The following SCFD2 variants were observed in gnomAD, a reference collection of about 807,000 sequenced individuals.
The protein encoded by SCFD2 is sec1 family domain-containing protein 2.
A neutral mutation model predicts 58.9 loss-of-function variants in SCFD2; 54 were observed. The observed-to-expected ratio is 0.92, with a 90% CI of 0.74 to 1.15. The LOEUF (loss-of-function observed/expected upper bound fraction) is 1.15, where lower values mean the gene tolerates loss of function less well. SCFD2 is among the 50% of genes most tolerant of loss of function. The pLI is 0.00. For missense variants in SCFD2, 805 were observed against 836.6 expected (o/e 0.96, Z 0.47); for synonymous variants, 321 against 335.9 (o/e 0.96, Z 0.49).
At chr4:53,054,486 T>C (rs529503475) in intron 5 of SCFD2, among the ~76,000 whole-genome samples, 2 of 151,970 alleles carry the variant, frequency 1.3e-5, no homozygotes, top group Non-Finnish European at 2.9e-5. Context: ...GAAGTTTGAA[T>C]TGAAAAATAT....
chr4:53,359,378 T>C (rs575698875), intron 1 of SCFD2, among the ~76,000 whole-genome samples: 1 of 152,308 alleles, frequency 6.6e-6, no homozygotes, highest in East Asian at 1.9e-4. Context: ...TTCCTTTTGG[T>C]CTCTATATTA....
chr4:53,231,963 TG>T (rs1180616749), intron 4 of SCFD2, among the ~76,000 whole-genome samples: 5 of 152,120 alleles, frequency 3.3e-5, no homozygotes, highest in Non-Finnish European at 5.9e-5. Context: ...TACTTTATAA[TG>T]TTTTTTCTAT....
intron 4 of SCFD2, among the ~76,000 whole-genome samples, chr4:53,206,906 A>G (rs2148974283): frequency 6.6e-6 from 1 of 152,242 alleles, no homozygotes; most frequent in Admixed American, 6.5e-5. Context: ...CTATAAGAGA[A>G]TACAAAGACT....
At chr4:53,076,649 C>G (rs1164674532) in intron 5 of SCFD2, among the ~76,000 whole-genome samples, 2 of 152,040 alleles carry the variant, frequency 1.3e-5, no homozygotes, top group Admixed American at 1.3e-4. Flanking sequence ...ATTTTAAAAG[C>G]TGTGAGGAAA....
intron 5 of SCFD2, among the ~76,000 whole-genome samples, chr4:53,140,439 G>A (rs4241973): frequency 0.48 from 61,389 of 128,790 alleles, 14,514 homozygotes; most frequent in South Asian, 0.52. Flanking sequence ...GGCAATCACC[G>A]TCAAGAGATA....
At chr4:52,907,257 C>A (rs1235468343) in intron 7 of SCFD2, among the ~76,000 whole-genome samples, 200 bp downstream of exon 7, 1 of 152,174 alleles carries the variant, frequency 6.6e-6, no homozygotes, top group African/African-American at 2.4e-5. Context: ...CCACAGTGCT[C>A]AGGTCAGAAG....
intron 5 of SCFD2, among the ~76,000 whole-genome samples, chr4:53,005,747 C>T (rs921305837): frequency 2.0e-5 from 3 of 152,116 alleles, no homozygotes; most frequent in African/African-American, 7.2e-5. Flanking sequence ...GGATTATATG[C>T]TCTTATCCTG....
chr4:53,209,147 T>C (rs1300229062), intron 4 of SCFD2, among the ~76,000 whole-genome samples: 2 of 152,130 alleles, frequency 1.3e-5, no homozygotes, highest in Non-Finnish European at 2.9e-5. Flanking sequence ...TAGTAAGGGA[T>C]ATACGGTCAA....
chr4:53,191,861 G>A (rs573193981), intron 4 of SCFD2, among the ~76,000 whole-genome samples: 2 of 152,284 alleles, frequency 1.3e-5, no homozygotes, highest in African/African-American at 4.8e-5. Context: ...TCTACTGCTT[G>A]TAACAGTCCC....
intron 4 of SCFD2, among the ~76,000 whole-genome samples, chr4:53,256,479 GCGGC>G (rs1279799832): frequency 6.6e-6 from 1 of 152,130 alleles, no homozygotes; most frequent in African/African-American, 2.4e-5. Flanking sequence ...AGACGGGGTG[GCGGC>G]CGGGCAGAGG....
chr4:52,884,060 A>AG (rs1468417672), intron 8 of SCFD2, among the ~76,000 whole-genome samples: 4 of 152,174 alleles, frequency 2.6e-5, no homozygotes, highest in Admixed American at 6.6e-5. Context: ...TGGAGTCAAT[A>AG]AACCCCTCAA....
chr4:53,187,919 G>T (rs1254967241), intron 4 of SCFD2, among the ~76,000 whole-genome samples: 1 of 152,074 alleles, frequency 6.6e-6, no homozygotes, highest in Non-Finnish European at 1.5e-5. Flanking sequence ...AACATCAAGA[G>T]ATATTCTTGC....
intron 7 of SCFD2, among the ~76,000 whole-genome samples, chr4:52,890,585 G>A (rs1182887149): frequency 6.6e-6 from 1 of 152,164 alleles, no homozygotes; most frequent in East Asian, 1.9e-4. Flanking sequence ...ATGGTATAAG[G>A]CACTTTGAAG....
At chr4:53,160,071 G>A (rs1170761623) in intron 4 of SCFD2, among the ~76,000 whole-genome samples, 1 of 152,176 alleles carries the variant, frequency 6.6e-6, no homozygotes, top group Non-Finnish European at 1.5e-5. Context: ...AAGGGAGAGG[G>A]TGCTAGATCA....
chr4:52,970,672 G>C (rs1368051612), intron 5 of SCFD2, among the ~76,000 whole-genome samples: 2 of 152,198 alleles, frequency 1.3e-5, no homozygotes, highest in Admixed American at 6.5e-5. Context: ...GAGAGTAGTG[G>C]TTCTCCCAGC....
At chr4:53,226,768 G>T (rs1729230440) in intron 4 of SCFD2, among the ~76,000 whole-genome samples, 2 of 152,272 alleles carry the variant, frequency 1.3e-5, no homozygotes, top group South Asian at 4.1e-4. Flanking sequence ...ACTTGGACTT[G>T]AAGGATGAGG....
intron 5 of SCFD2, among the ~76,000 whole-genome samples, chr4:53,001,769 T>G (rs1312300476): frequency 2.0e-5 from 3 of 152,248 alleles, no homozygotes; most frequent in African/African-American, 7.2e-5. Context: ...TTACATTTAT[T>G]GCACACCAAG....
chr4:53,013,681 A>C (rs563330527), intron 5 of SCFD2, among the ~76,000 whole-genome samples: 3 of 152,322 alleles, frequency 2.0e-5, no homozygotes, highest in East Asian at 3.9e-4. Context: ...ATGGCTTCTG[A>C]GAATAACTTT....
At chr4:53,111,771 A>C (rs1159037315) in intron 5 of SCFD2, among the ~76,000 whole-genome samples, 1 of 152,132 alleles carries the variant, frequency 6.6e-6, no homozygotes, top group Non-Finnish European at 1.5e-5. Context: ...TTTCAAGAGC[A>C]CTTGTGATTT....
Sources: gnomAD v4.1 joint callset for allele counts (sites outside exome capture counted in the v4.1 genomes callset) on GRCh38, gnomAD v4.1.1 for gene constraint, MANE v1.5 for transcripts, NCBI Gene and HGNC (gene_info 2026-07-23, HGNC 2026-07-21) for gene names.